LAMA2: variants seen among roughly 807,000 people sequenced by gnomAD.
LAMA2 encodes laminin subunit alpha 2, also known as laminin subunit alpha-2.
LAMA2 carries 269 observed loss-of-function variants against 364.8 expected under a neutral mutation model. That is an observed-to-expected ratio of 0.74 (90% CI 0.67 to 0.82). The LOEUF is 0.82. LAMA2 is among the 40% of genes least tolerant of loss of function. The pLI is 0.00. For synonymous variants in LAMA2, 1,379 were observed against 1,370.6 expected (o/e 1.01, Z -0.14); for missense variants, 3,807 against 3,873.2 (o/e 0.98, Z 0.45).
At chr6:128,933,887 A>G (rs1286943062) in intron 1 of LAMA2, among the ~76,000 whole-genome samples, 2 of 152,172 alleles carry the variant, frequency 1.3e-5, no homozygotes, top group Non-Finnish European at 2.9e-5. Context: ...CCATACCACA[A>G]CTTGCCTTTT....
chr6:128,904,977 T>A (rs1415147195), intron 1 of LAMA2, among the ~76,000 whole-genome samples: 1 of 152,200 alleles, frequency 6.6e-6, no homozygotes, highest in Non-Finnish European at 1.5e-5. Flanking sequence ...TGTGCCAATT[T>A]TAATCAATGG....
chr6:129,251,171 A>G (rs1179638571), intron 13 of LAMA2, among the ~76,000 whole-genome samples: 1 of 149,330 alleles, frequency 6.7e-6, no homozygotes, highest in Non-Finnish European at 1.5e-5. Context: ...TAAAGTGTTG[A>G]GTGAAATTAT....
At chr6:129,286,581 A>T (rs1265862080) in intron 18 of LAMA2, among the ~76,000 whole-genome samples, 2 of 100,488 alleles carry the variant, frequency 2.0e-5, no homozygotes, top group Non-Finnish European at 3.8e-5. Context: ...TTATATTTAT[A>T]TAATATATAT....
chr6:129,516,548 C>T lies in LAMA2; in HGVS notation c.*201C>T, dbSNP rs1426559766. ...TCTCAAGTCTATAAATAATATTAAACTGATTATTTCATTCTAAATAATTGC... is the reference window on the plus strand; with the variant it reads ...TCTCAAGTCTATAAATAATATTAAATTGATTATTTCATTCTAAATAATTGC... On this transcript the variant is annotated 3_prime_UTR_variant, in exon 65 of 65. Transcript: ENST00000421865. The T allele has an allele frequency of 3.4e-6, 2 of 583,864 alleles. No homozygotes were observed. The highest frequency in any genetic ancestry group is 6.0e-6 in the Non-Finnish European group (2 of 331,534). 36.2% of individuals were successfully genotyped at this position (583,864 alleles called of 1,614,324 possible).
chr6:129,242,134 AG>A (rs1785431534), intron 12 of LAMA2, among the ~76,000 whole-genome samples: 1 of 152,178 alleles, frequency 6.6e-6, no homozygotes, highest in African/African-American at 2.4e-5. Context: ...ATTGCCTACA[AG>A]GCAAGATGAG....
At chr6:128,900,287 G>A (rs139541279) in intron 1 of LAMA2, among the ~76,000 whole-genome samples, 17 of 152,226 alleles carry the variant, frequency 1.1e-4, no homozygotes, top group African/African-American at 4.1e-4. Context: ...CAGCAAAGGA[G>A]GGATTTTTAT....
At chr6:129,238,737 A>G (rs1428053270) in intron 12 of LAMA2, among the ~76,000 whole-genome samples, 1 of 152,194 alleles carries the variant, frequency 6.6e-6, no homozygotes, top group Non-Finnish European at 1.5e-5. Context: ...CGATTGCTCC[A>G]TCTATACAAT....
chr6:129,413,058 C>T (rs1780613777), intron 40 of LAMA2, among the ~76,000 whole-genome samples: 1 of 152,178 alleles, frequency 6.6e-6, no homozygotes, highest in African/African-American at 2.4e-5. Context: ...CTATGTATGA[C>T]TTACACAAAT....
intron 10 of LAMA2, among the ~76,000 whole-genome samples, chr6:129,187,984 AG>A (rs1315429234): frequency 6.6e-6 from 1 of 151,836 alleles, no homozygotes; most frequent in African/African-American, 2.4e-5. Context: ...TATGTCCACA[AG>A]TTGAATTTTT....
intron 4 of LAMA2, among the ~76,000 whole-genome samples, chr6:129,123,764 A>G (rs138680947): frequency 6.6e-6 from 1 of 152,330 alleles, no homozygotes; most frequent in East Asian, 1.9e-4. Flanking sequence ...TAGTGAAAGG[A>G]TAAAAAGTTT....
intron 22 of LAMA2, among the ~76,000 whole-genome samples, chr6:129,305,626 T>TGA (rs1024815717): frequency 1.6e-4 from 24 of 152,032 alleles, no homozygotes; most frequent in African/African-American, 5.1e-4. Flanking sequence ...TGTGTGTGTG[T>TGA]GAGAGAGAGA....
At chr6:129,020,167 G>T (rs967919365) in intron 1 of LAMA2, among the ~76,000 whole-genome samples, 3 of 151,254 alleles carry the variant, frequency 2.0e-5, no homozygotes, top group African/African-American at 7.3e-5. Flanking sequence ...TAGAAAGCTA[G>T]CTGTTTTGCC....
chr6:129,427,931 A>T, intron 41 of LAMA2, 77 bp downstream of exon 41: 1 of 901,222 alleles, frequency 1.1e-6, no homozygotes, highest in Non-Finnish European at 1.8e-6. Flanking sequence ...ACACTATTGG[A>T]GAATGTAATT....
chr6:129,096,954 C>T (rs1367980585), intron 3 of LAMA2, among the ~76,000 whole-genome samples: 4 of 152,154 alleles, frequency 2.6e-5, no homozygotes, highest in Non-Finnish European at 5.9e-5. Context: ...AGATCCTATA[C>T]ACGTATGCAT....
intron 22 of LAMA2, among the ~76,000 whole-genome samples, chr6:129,304,718 T>C (rs1773761417): frequency 6.6e-6 from 1 of 152,264 alleles, no homozygotes; most frequent in Non-Finnish European, 1.5e-5. Context: ...CTTGGTTTAA[T>C]ATAATCTTTA....
intron 12 of LAMA2, among the ~76,000 whole-genome samples, chr6:129,248,664 A>G (rs1300234979): frequency 6.6e-6 from 1 of 152,208 alleles, no homozygotes; most frequent in East Asian, 1.9e-4. Flanking sequence ...ACCTCCTTTC[A>G]AACGTATTTA....
intron 1 of LAMA2, among the ~76,000 whole-genome samples, chr6:128,992,952 T>C (rs1006219569): frequency 6.6e-6 from 1 of 152,116 alleles, no homozygotes; most frequent in African/African-American, 2.4e-5. Flanking sequence ...AAAAGAAAAA[T>C]GGAAATTTCA....
chr6:129,060,527 G>A (rs1788827814), intron 3 of LAMA2, among the ~76,000 whole-genome samples: 1 of 152,228 alleles, frequency 6.6e-6, no homozygotes, highest in South Asian at 2.1e-4. Flanking sequence ...GGAATCGCCA[G>A]CACCTCAAAT....
At chr6:129,329,696 C>G (rs1247898972) in intron 29 of LAMA2, among the ~76,000 whole-genome samples, 1 of 152,142 alleles carries the variant, frequency 6.6e-6, no homozygotes, top group African/African-American at 2.4e-5. Context: ...TCCCTTCATT[C>G]CCCTGAGTCT....
Sources: gnomAD v4.1 joint callset for allele counts (sites outside exome capture counted in the v4.1 genomes callset) on GRCh38, gnomAD v4.1.1 for gene constraint, MANE v1.5 for transcripts, NCBI Gene and HGNC (gene_info 2026-07-23, HGNC 2026-07-21) for gene names.